SAG: variants seen among roughly 807,000 people sequenced by gnomAD.
SAG encodes the protein S-arrestin.
A neutral mutation model predicts 55.0 loss-of-function variants in SAG; 45 were observed. The ratio of observed to expected loss-of-function variants is 0.82; its 90% CI spans 0.64 to 1.05. SAG has a LOEUF of 1.05. Among genes scored for constraint, SAG ranks in the 50% least tolerant of loss-of-function variants. The pLI, the probability that SAG is intolerant of heterozygous loss-of-function variation, is 0.00. For missense variants in SAG, 455 were observed against 512.1 expected (o/e 0.89, Z 1.08); for synonymous variants, 189 against 197.4 (o/e 0.96, Z 0.36).
At chr2:233,343,545 A>G (rs1701168366) in intron 14 of SAG, 1 of 441,174 alleles carries the variant, frequency 2.3e-6, no homozygotes, top group Non-Finnish European at 3.6e-6. Context: ...CTCTGAAAAC[A>G]TATAAAAACC....
At chr2:233,312,647 C>T (rs967305851) in intron 2 of SAG, among the ~76,000 whole-genome samples, 1 of 152,222 alleles carries the variant, frequency 6.6e-6, no homozygotes, top group Non-Finnish European at 1.5e-5. Context: ...TCAGCAGCAG[C>T]AGCCTGCATC....
chr2:233,314,531 CA>C (rs1700166052), intron 2 of SAG, among the ~76,000 whole-genome samples: 2 of 152,162 alleles, frequency 1.3e-5, no homozygotes. Flanking sequence ...AGGGCAAGGC[CA>C]AGACACCCAC....
intron 7 of SAG, 45 bp from the exon 8 acceptor site, chr2:233,328,433 G>A (rs759598571): frequency 7.5e-6 from 12 of 1,595,858 alleles, no homozygotes; most frequent in Middle Eastern, 3.3e-4. Context: ...TCCCTAAAGC[G>A]GCCTGGGTGC....
chr2:233,345,286 C>T (rs1701217545), intron 14 of SAG: 3 of 152,232 alleles, frequency 2.0e-5, no homozygotes, highest in African/African-American at 7.2e-5. Flanking sequence ...GGGGGTTGGT[C>T]CTCAAGCTTT....
chr2:233,311,473 G>A (rs1347630429), intron 2 of SAG, among the ~76,000 whole-genome samples: 3 of 152,188 alleles, frequency 2.0e-5, no homozygotes, highest in African/African-American at 4.8e-5. Context: ...TTAGATGATC[G>A]TAGTGAATCA....
intron 2 of SAG, among the ~76,000 whole-genome samples, chr2:233,311,918 G>A (rs906906217): frequency 6.6e-6 from 1 of 152,306 alleles, no homozygotes; most frequent in South Asian, 2.1e-4. Context: ...CTGAGGTCAG[G>A]AGTTCGAGAC....
chr2:233,331,410 G>T, intron 9 of SAG: 2 of 582,134 alleles, frequency 3.4e-6, no homozygotes, highest in Non-Finnish European at 3.1e-6. Flanking sequence ...AGCCTTAGGG[G>T]ACATGGGTGG....
intron 4 of SAG, chr2:233,320,141 C>T (rs1166602080): frequency 3.7e-6 from 1 of 268,840 alleles, no homozygotes. Flanking sequence ...TTCACCTCCC[C>T]ATGTGGCCTG....
Position 233,319,289 on chromosome 2 carries a change from C to T in SAG, c.181+494C>T, listed in dbSNP as rs1419145538. 1.5e-5 allele frequency among the ~76,000 whole-genome samples: 1 copy of T among 66,188 alleles called. No homozygotes were observed. Among genetic ancestry groups the T allele is most frequent in the Non-Finnish European group, 3.1e-5 (1 of 32,492 alleles). 43.4% of individuals were successfully genotyped at this position (66,188 alleles called of 152,430 possible). On this transcript the variant is annotated intron_variant, in intron 4 of 15. Transcript: ENST00000409110. This position sits in a 1 kb window ranked among gnomAD's most constrained non-coding sequence, Gnocchi z 4.4. ...ACCAAAAAGGGGGAAATGATGCCTG[C>T]TGGGGGCAGGGGGAGTAAGACCCAG... is the stretch of plus-strand genomic sequence containing the variant.
rs527763242 is a variant in SAG, at chr2:233,328,896, A to C, written c.648+283A>C. On this transcript the variant is annotated intron_variant, in intron 8 of 15. Coordinates refer to ENST00000409110, the MANE Select transcript of SAG (RefSeq NM_000541.5). ...GCTGCTTTTCACATACCTGCCCCCC[A>C]GCTGTCCTTGTCCTGTCCACCTCCA... The C allele has an allele frequency of 3.4e-5, 13 of 385,986 alleles. No individual in the cohort carries two copies. The South Asian group carries it at 5.4e-4, about 16-fold the overall frequency. The allele number at this position is 385,986 out of a possible 1,614,324, so 23.9% of individuals were successfully genotyped here.
At chr2:233,334,747 T>C (rs1700868860) in intron 10 of SAG, 1 of 563,210 alleles carries the variant, frequency 1.8e-6, no homozygotes, top group African/African-American at 1.9e-5. Context: ...CTGAGTTGCT[T>C]GAAGAAATAT....
intron 2 of SAG, among the ~76,000 whole-genome samples, chr2:233,315,789 G>A (rs573560219): frequency 8.7e-5 from 13 of 150,040 alleles, no homozygotes; most frequent in Admixed American, 2.7e-4. Flanking sequence ...TGCAACCTCC[G>A]CCTCCCAGGT....
chr2:233,335,088 C>T lies in SAG; in HGVS notation c.933C>T (p.Ala311=). 2 of 1,612,332 alleles carry T rather than the reference C, an allele frequency of 1.2e-6. No homozygotes were observed. Among genetic ancestry groups the T allele is most frequent in the South Asian group, 2.2e-5 (2 of 91,044 alleles). The change falls in exon 11 of 16, where the codon GCC becomes GCT. Residue 311 remains alanine, a synonymous_variant. Coordinates refer to ENST00000409110, the MANE Select transcript of SAG (RefSeq NM_000541.5). ...TCAAGCACGAGGACACAAACCTTGCCTCCAGCACCATGTGAGTCCTCGAGG... is the reference window on the plus strand; with the variant it reads ...TCAAGCACGAGGACACAAACCTTGCTTCCAGCACCATGTGAGTCCTCGAGG... The part of the protein sequence containing the change: ...GKIKHEDTNL[A]SSTIIKEGID...
chr2:233,327,368 A>AG, intron 7 of SAG, 171 bp downstream of exon 7: 1 of 534,864 alleles, frequency 1.9e-6, no homozygotes, highest in East Asian at 3.1e-5. Context: ...GGGAAAAAAA[A>AG]GAAAACAAGA....
rs932145727 is a variant in SAG at position 233,338,615 on chromosome 2, C to G, written c.945-61C>G. ...TGCCTGCCTCGAATGGAAAGGCTGC[C>G]CATCTGCTCTTCACCCTCCTCTGCT... On this transcript the variant is annotated intron_variant, in intron 11 of 15. Transcript: ENST00000409110. 2.1e-6 allele frequency: 3 copies of G among 1,425,510 alleles called. No homozygotes were observed. In the African/African-American group the frequency reaches 4.2e-5, roughly 20 times the overall value. The allele number at this position is 1,425,510 out of a possible 1,614,324, so 88.3% of individuals were successfully genotyped here.
At chr2:233,343,093 T>TG (rs1397545355) in intron 14 of SAG, 2 of 146,614 alleles carry the variant, frequency 1.4e-5, no homozygotes, top group African/African-American at 5.1e-5. Flanking sequence ...TTTTTTTTTT[T>TG]TTTTTTTTTT....
Position 233,319,660 on chromosome 2 carries a change from C to T in SAG, c.181+865C>T. 1.0e-6 allele frequency: 1 copy of T among 986,136 alleles called. No individual in the cohort carries two copies. The highest frequency in any genetic ancestry group is 1.2e-6 in the Non-Finnish European group (1 of 830,498). 61.1% of individuals were successfully genotyped at this position (986,136 alleles called of 1,614,324 possible). A position where few individuals can be genotyped will look rare whatever the true frequency, so the allele number is the denominator to read the frequency against. Reference sequence around the variant, plus strand: ...CTCCACCTTCCTCCTGGGTGCCCTGCTCCTCTCTGGACCAGGAGGCATCTG... The same window carrying T: ...CTCCACCTTCCTCCTGGGTGCCCTGTTCCTCTCTGGACCAGGAGGCATCTG... On this transcript the variant is annotated intron_variant, in intron 4 of 15. Coordinates refer to ENST00000409110, the MANE Select transcript of SAG (RefSeq NM_000541.5). This position sits in a 1 kb window ranked among gnomAD's most constrained non-coding sequence, Gnocchi z 4.4.
chr2:233,312,285 A>T (rs73998352), intron 2 of SAG, among the ~76,000 whole-genome samples: 5,318 of 151,924 alleles, frequency 0.035, 308 homozygotes, highest in African/African-American at 0.12. Context: ...TCTCCCGTCC[A>T]CTCTGCAGTC....
Position 233,338,677 on chromosome 2 carries a change from A to G in SAG, c.946A>G (p.Ile316Val), listed in dbSNP as rs1311728904. 2 of 1,613,592 alleles carry G rather than the reference A, an allele frequency of 1.2e-6. No homozygotes were observed. Among genetic ancestry groups the G allele is most frequent in the East Asian group, 2.2e-5 (1 of 44,876 alleles). The change falls in exon 12 of 16, where the codon ATT becomes GTT. Residue 316 changes from isoleucine to valine, a missense_variant and splice_region_variant. Coordinates refer to ENST00000409110, the MANE Select transcript of SAG (RefSeq NM_000541.5). ...EDTNLASSTI[I>V]KEGIDRTVLG... is the part of the protein sequence containing the mutation. ...TCCTTTTCCCTTCTGTTTGGGCAGC[A>G]TTAAGGAGGGCATAGACCGGACCGT...
Sources: gnomAD v4.1 joint callset for allele counts (sites outside exome capture counted in the v4.1 genomes callset) on GRCh38, gnomAD v4.1.1 for gene constraint, Gnocchi (gnomAD v3.1) non-coding constraint, MANE v1.5 for transcripts, NCBI Gene and HGNC (gene_info 2026-07-23, HGNC 2026-07-21) for gene names.